The following GSTCD variants were observed in gnomAD, a reference collection of about 807,000 sequenced individuals.
The protein encoded by GSTCD is glutathione S-transferase C-terminal domain-containing protein.
GSTCD carries 44 observed loss-of-function variants against 68.3 expected under a neutral mutation model. The ratio of observed to expected loss-of-function variants is 0.64; its 90% CI spans 0.51 to 0.83. GSTCD has a LOEUF of 0.83. GSTCD is among the 40% of genes least tolerant of loss of function. The probability of loss-of-function intolerance (pLI) is 0.00; values close to 1 mark genes in which losing one functional copy is unlikely to be tolerated. For synonymous variants in GSTCD, 273 were observed against 255.2 expected, an observed-to-expected ratio of 1.07 and a Z score of -0.67; for missense variants, 739 against 735.9, an observed-to-expected ratio of 1.00 and a Z score of -0.05.
At chr4:105,794,945 G>A (rs1048987371) in intron 5 of GSTCD, among the ~76,000 whole-genome samples, 3 of 151,470 alleles carry the variant, frequency 2.0e-5, no homozygotes, top group Non-Finnish European at 4.4e-5. Context: ...GGCGGGCTCA[G>A]CTCACTGCAA....
rs1724543021 is a variant in GSTCD at position 105,846,298 on chromosome 4, C to G, written c.*721C>G. 6.6e-6 allele frequency: 1 copy of G among 151,966 alleles called. No homozygotes were observed. Among genetic ancestry groups the G allele is most frequent in the Non-Finnish European group, 1.5e-5 (1 of 68,026 alleles). 9.4% of individuals were successfully genotyped at this position (151,966 alleles called of 1,614,324 possible). A position where few individuals can be genotyped will look rare whatever the true frequency, so the allele number is the denominator to read the frequency against. On this transcript the variant is annotated 3_prime_UTR_variant, in exon 12 of 12. Transcript: ENST00000515279. ...CCCAGGAAGTCAAGGCTGCAGTGAG[C>G]CTTGATAGCGCCACTGCACTCCTGC...
At chr4:105,797,865 G>C (rs1240879582) in intron 5 of GSTCD, among the ~76,000 whole-genome samples, 1 of 146,794 alleles carries the variant, frequency 6.8e-6, no homozygotes, top group East Asian at 2.0e-4. Flanking sequence ...ACCTCCGCCT[G>C]CTGGGCTCAA....
At chr4:105,749,607 G>C (rs1051667804) in intron 5 of GSTCD, among the ~76,000 whole-genome samples, 1 of 145,522 alleles carries the variant, frequency 6.9e-6, no homozygotes, top group East Asian at 2.0e-4. Context: ...AACATCCATA[G>C]GCAAAAAAAA....
chr4:105,744,893 AATAG>A (rs1733749943), intron 5 of GSTCD, among the ~76,000 whole-genome samples: 1 of 152,216 alleles, frequency 6.6e-6, no homozygotes, highest in Non-Finnish European at 1.5e-5. Context: ...TCTATTAGGA[AATAG>A]ATGTATGCAT....
chr4:105,710,157 C>G (rs1732475935), intron 1 of GSTCD, among the ~76,000 whole-genome samples: 1 of 150,634 alleles, frequency 6.6e-6, no homozygotes, highest in African/African-American at 2.4e-5. Context: ...ATTTTATATA[C>G]TTTGCACTTC....
chr4:105,791,081 T>A (rs569369976), intron 5 of GSTCD, among the ~76,000 whole-genome samples: 1 of 151,968 alleles, frequency 6.6e-6, no homozygotes, highest in African/African-American at 2.4e-5. Context: ...TCTGATATAA[T>A]AGAGAAGTCT....
At position 105,768,063 on chromosome 4, in the gene GSTCD, T is replaced by C. The variant is rs565091373; in HGVS notation, c.1240+38564T>C. Among the ~76,000 whole-genome samples the C allele has an allele frequency of 1.4e-3, 205 of 150,210 alleles. 1 individual carries two copies. The highest frequency in any genetic ancestry group is 3.5e-3 in the Middle Eastern group (1 of 288). ...ATTTTTTTTTTTTTTTGAGACGGAG[T>C]CTCTCCCTGTCTCCCAGGGTGGAGT... On this transcript the variant is annotated intron_variant, in intron 5 of 11. Transcript: ENST00000515279.
At chr4:105,748,116 G>A (rs1469723001) in intron 5 of GSTCD, among the ~76,000 whole-genome samples, 4 of 152,000 alleles carry the variant, frequency 2.6e-5, no homozygotes, top group Non-Finnish European at 4.4e-5. Context: ...TTAGCTGTGC[G>A]TGGTGGTACG....
chr4:105,805,792 A>G (rs1292819199), intron 5 of GSTCD, among the ~76,000 whole-genome samples: 1 of 152,106 alleles, frequency 6.6e-6, no homozygotes, highest in Non-Finnish European at 1.5e-5. Context: ...ATAAATTACC[A>G]GTAATTTAGC....
At chr4:105,721,358 T>TA (rs1005836628) in intron 3 of GSTCD, among the ~76,000 whole-genome samples, 1 of 152,224 alleles carries the variant, frequency 6.6e-6, no homozygotes, top group African/African-American at 2.4e-5. Flanking sequence ...TTGCTTGCAT[T>TA]AACATACATT....
intron 1 of GSTCD, among the ~76,000 whole-genome samples, chr4:105,715,417 T>C (rs1399453105): frequency 3.9e-5 from 6 of 152,118 alleles, no homozygotes; most frequent in Non-Finnish European, 7.4e-5. Flanking sequence ...CATCTGTAAG[T>C]TAAAAAGTTG....
intron 4 of GSTCD, among the ~76,000 whole-genome samples, chr4:105,727,764 G>A (rs1056791511): frequency 6.6e-6 from 1 of 150,448 alleles, no homozygotes; most frequent in South Asian, 2.1e-4. Context: ...AGTACTAATT[G>A]CAAAGTTTTC....
At chr4:105,764,253 A>G (rs1382663317) in intron 5 of GSTCD, among the ~76,000 whole-genome samples, 1 of 152,170 alleles carries the variant, frequency 6.6e-6, no homozygotes, top group African/African-American at 2.4e-5. Flanking sequence ...TTTGTGATGT[A>G]TTTTATGTTG....
rs369063434 is a variant in GSTCD, at chr4:105,720,147, ATC to A, written c.894+638_894+639del. Among the ~76,000 whole-genome samples, 98 of 141,688 alleles carry A rather than the reference ATC, an allele frequency of 6.9e-4. 1 individual carries two copies. The highest frequency in any genetic ancestry group is 7.4e-4 in the Non-Finnish European group (49 of 66,316). The allele number at this position is 141,688 out of a possible 152,430, so 93.0% of individuals were successfully genotyped here. On this transcript the variant is annotated intron_variant, in intron 3 of 11. Transcript: ENST00000515279. The stretch of plus-strand genomic sequence containing the variant: ...GATAGAACGTTTTCTGAGTAGGAAG[ATC>A]TCTCTCTCTCTCTCTCTGTCTGTCT...
chr4:105,774,723 G>C (rs972237343), intron 5 of GSTCD, among the ~76,000 whole-genome samples: 2 of 152,214 alleles, frequency 1.3e-5, no homozygotes, highest in African/African-American at 4.8e-5. Flanking sequence ...GAGATCCGCT[G>C]TTAGTCTGAC....
chr4:105,722,748 AC>A (rs1236625535), intron 3 of GSTCD, among the ~76,000 whole-genome samples: 6 of 151,162 alleles, frequency 4.0e-5, no homozygotes, highest in Non-Finnish European at 7.4e-5. Flanking sequence ...TTTTTTTTAA[AC>A]CTTTGTTTTA....
At chr4:105,769,959 C>T (rs959918040) in intron 5 of GSTCD, among the ~76,000 whole-genome samples, 1 of 151,982 alleles carries the variant, frequency 6.6e-6, no homozygotes, top group Non-Finnish European at 1.5e-5. Flanking sequence ...AATATTGTTA[C>T]GTTTTGCAGG....
At chr4:105,832,464 G>A (rs1017980009) in intron 8 of GSTCD, among the ~76,000 whole-genome samples, 1 of 151,874 alleles carries the variant, frequency 6.6e-6, no homozygotes, top group African/African-American at 2.4e-5. Flanking sequence ...TCACTTTTTT[G>A]CATGTAGTGT....
In GSTCD at chr4:105,719,088, T is replaced by C; in HGVS notation, c.455T>C (p.Leu152Pro). 6.2e-7 allele frequency: 1 copy of C among 1,613,824 alleles called. No homozygotes were observed. The highest frequency in any genetic ancestry group is 8.5e-7 in the Non-Finnish European group (1 of 1,179,864). The change falls in exon 3 of 12, where the codon CTC becomes CCC. Residue 152 changes from leucine (L) to proline (P), a missense_variant. Coordinates refer to ENST00000515279, the MANE Select transcript of GSTCD (RefSeq NM_001370181.1). The part of the protein sequence containing the change: ...EVSQWTRLCE[L>P]TIPLAIENFL... ...AGTCAGTGGACCAGGCTATGTGAAC[T>C]CACCATCCCTTTGGCTATTGAGAAT...
Sources: gnomAD v4.1 joint callset for allele counts (sites outside exome capture counted in the v4.1 genomes callset) on GRCh38, gnomAD v4.1.1 for gene constraint, MANE v1.5 for transcripts, NCBI Gene and HGNC (gene_info 2026-07-23, HGNC 2026-07-21) for gene names.